Variants in TMEM178B observed in about 807,000 individuals in gnomAD.
The protein encoded by TMEM178B is transmembrane protein 178B.
In TMEM178B, 5 loss-of-function variants were observed where a neutral mutation model predicts 31.0. The ratio of observed to expected loss-of-function variants is 0.16; its 90% CI spans 0.08 to 0.34. TMEM178B has a LOEUF of 0.34. Among genes scored for constraint, TMEM178B ranks in the 10% least tolerant of loss-of-function variants. TMEM178B has a pLI of 1.00. For synonymous variants in TMEM178B, 164 were observed against 164.0 expected, an observed-to-expected ratio of 1.00 and a Z score of 0.00; for missense variants, 275 against 400.3, an observed-to-expected ratio of 0.69 and a Z score of 2.67.
At chr7:141,144,128 C>A (rs758700257) in intron 1 of TMEM178B, among the ~76,000 whole-genome samples, 7 of 152,110 alleles carry the variant, frequency 4.6e-5, no homozygotes, top group Admixed American at 1.3e-4. Context: ...TTGGCAGAAT[C>A]TTAGGATTTT....
intron 1 of TMEM178B, among the ~76,000 whole-genome samples, chr7:141,186,312 G>C (rs1267490861): frequency 6.6e-6 from 1 of 152,110 alleles, no homozygotes; most frequent in East Asian, 1.9e-4. Context: ...AGGGTACCAA[G>C]TCTGTTTGGT....
intron 2 of TMEM178B, among the ~76,000 whole-genome samples, chr7:141,337,186 C>G (rs1799431463): frequency 1.0e-5 from 1 of 98,898 alleles, no homozygotes; most frequent in African/African-American, 4.6e-5. Context: ...CCACCACCAG[C>G]ACCACCACCA....
intron 2 of TMEM178B, among the ~76,000 whole-genome samples, chr7:141,350,293 G>A (rs1240290653): frequency 6.6e-6 from 1 of 151,748 alleles, no homozygotes; most frequent in Non-Finnish European, 1.5e-5. Flanking sequence ...CCCTCTCCAT[G>A]CCTTTCTAAT....
intron 1 of TMEM178B, among the ~76,000 whole-genome samples, chr7:141,163,505 A>G (rs1796210789): frequency 6.6e-6 from 1 of 151,918 alleles, no homozygotes; most frequent in South Asian, 2.1e-4. Flanking sequence ...CTATTTAGCA[A>G]ACAGCAATTT....
chr7:141,217,163 T>C (rs1224707022), intron 2 of TMEM178B, among the ~76,000 whole-genome samples: 1 of 152,234 alleles, frequency 6.6e-6, no homozygotes, highest in African/African-American at 2.4e-5. Flanking sequence ...CCACAGTCTA[T>C]GGTAGCAGTG....
At position 141,303,657 on chromosome 7, in the gene TMEM178B, G is replaced by T. The variant is rs548887242; in HGVS notation, c.496+90953G>T. On this transcript the variant is annotated intron_variant, in intron 2 of 3. Coordinates refer to ENST00000565468, the MANE Select transcript of TMEM178B (RefSeq NM_001195278.2). The stretch of plus-strand genomic sequence containing the variant: ...GTGCAACCAGGTTTTGGTGGAGAGA[G>T]AGCTTTAGGATCAATGATTCCTACT... Among the ~76,000 whole-genome samples the T allele has an allele frequency of 1.6e-3, 237 of 152,296 alleles. 3 individuals are homozygous for T. The highest frequency in any genetic ancestry group is 5.5e-3 in the African/African-American group (230 of 41,560).
intron 1 of TMEM178B, among the ~76,000 whole-genome samples, chr7:141,153,708 A>G (rs1325295718): frequency 6.6e-6 from 1 of 152,110 alleles, no homozygotes; most frequent in Non-Finnish European, 1.5e-5. Flanking sequence ...TTTTATATGT[A>G]TTGGTCACTT....
rs969486578 is a variant in TMEM178B, at chr7:141,478,685, T to C, written c.*7899T>C. 1.3e-5 allele frequency: 2 copies of C among 152,248 alleles called. No homozygotes were observed. The highest frequency in any genetic ancestry group is 2.9e-5 in the Non-Finnish European group (2 of 68,038). 9.4% of individuals were successfully genotyped at this position (152,248 alleles called of 1,614,324 possible). A position where few individuals can be genotyped will look rare whatever the true frequency, so the allele number is the denominator to read the frequency against. ...AAAATTACTGGGATATTTTACATTC[T>C]TTTTTCCAAATGAAGTCTTCAAAAT... On this transcript the variant is annotated 3_prime_UTR_variant, in exon 4 of 4. Transcript: ENST00000565468.
chr7:141,452,316 A>G (rs996197651), intron 3 of TMEM178B, among the ~76,000 whole-genome samples: 1 of 152,166 alleles, frequency 6.6e-6, no homozygotes, highest in Non-Finnish European at 1.5e-5. Context: ...CATGTGCTTT[A>G]TGTTTATTGA....
chr7:141,101,030 A>G (rs1419303841), intron 1 of TMEM178B, among the ~76,000 whole-genome samples: 1 of 152,190 alleles, frequency 6.6e-6, no homozygotes, highest in Non-Finnish European at 1.5e-5. Flanking sequence ...TCAAGCTATT[A>G]CACCACTCCC....
chr7:141,314,658 CT>C (rs1798971561), intron 2 of TMEM178B, among the ~76,000 whole-genome samples: 1 of 152,330 alleles, frequency 6.6e-6, no homozygotes, highest in Admixed American at 6.5e-5. Context: ...GCAATCCTTG[CT>C]GCTGCTCCTC....
intron 2 of TMEM178B, among the ~76,000 whole-genome samples, chr7:141,220,935 G>A (rs1044208326): frequency 6.6e-6 from 1 of 152,202 alleles, no homozygotes; most frequent in African/African-American, 2.4e-5. Context: ...CAAATTGGAT[G>A]ATATATTTCC....
intron 2 of TMEM178B, among the ~76,000 whole-genome samples, chr7:141,240,003 T>G (rs1465902977): frequency 2.6e-5 from 4 of 152,270 alleles, no homozygotes; most frequent in Non-Finnish European, 4.4e-5. Flanking sequence ...TAGTTTAACT[T>G]AATATCAAAA....
intron 2 of TMEM178B, among the ~76,000 whole-genome samples, chr7:141,282,485 A>G (rs886398778): frequency 6.6e-6 from 1 of 152,236 alleles, no homozygotes; most frequent in South Asian, 2.1e-4. Flanking sequence ...TCTTTTGCTC[A>G]TTATTATCAC....
chr7:141,410,462 C>G (rs77488600), intron 2 of TMEM178B, among the ~76,000 whole-genome samples: 10,198 of 148,912 alleles, frequency 0.068, 594 homozygotes, highest in Non-Finnish European at 0.1. Flanking sequence ...CTCCCTCCCC[C>G]ACCTCTGTCT....
intron 2 of TMEM178B, among the ~76,000 whole-genome samples, chr7:141,378,922 T>C (rs892524558): frequency 1.3e-5 from 2 of 152,178 alleles, no homozygotes; most frequent in African/African-American, 4.8e-5. Flanking sequence ...AGAATTGCCC[T>C]TGGGGGCACC....
intron 2 of TMEM178B, chr7:141,297,149 A>C (rs1798648332): frequency 6.6e-6 from 1 of 152,170 alleles, no homozygotes; most frequent in Non-Finnish European, 1.5e-5. Context: ...CCTTAAAACA[A>C]CTCTAAGGGG....
intron 2 of TMEM178B, among the ~76,000 whole-genome samples, chr7:141,424,888 G>C (rs1801284596): frequency 6.6e-6 from 1 of 152,086 alleles, no homozygotes. Flanking sequence ...ACATTTGATT[G>C]AATGTCCAGT....
intron 3 of TMEM178B, among the ~76,000 whole-genome samples, chr7:141,455,334 T>C (rs1387851358): frequency 6.6e-6 from 1 of 152,320 alleles, no homozygotes; most frequent in East Asian, 1.9e-4. Flanking sequence ...CAGAACCTCC[T>C]TGGGGCCACA....
Sources: allele counts gnomAD v4.1 joint callset (sites outside exome capture counted in the v4.1 genomes callset), GRCh38; gene constraint gnomAD v4.1.1; transcripts MANE v1.5; gene names NCBI Gene and HGNC (gene_info 2026-07-23, HGNC 2026-07-21).